AK4: variants seen among roughly 807,000 people sequenced by gnomAD.
AK4 encodes adenylate kinase 4, also known as adenylate kinase 4, mitochondrial.
AK4 carries 13 observed loss-of-function variants against 24.6 expected under a neutral mutation model. That is an observed-to-expected ratio of 0.53 (90% CI 0.34 to 0.84). AK4 has a LOEUF of 0.84. Among genes scored for constraint, AK4 ranks in the 40% least tolerant of loss-of-function variants. The pLI is 0.01. For missense variants in AK4, 192 were observed against 288.2 expected (o/e 0.67, Z 2.42); for synonymous variants, 88 against 107.0 (o/e 0.82, Z 1.10).
At chr1:65,209,038 TATAAC>T (rs1361989354) in intron 2 of AK4, among the ~76,000 whole-genome samples, 2 of 152,174 alleles carry the variant, frequency 1.3e-5, no homozygotes, top group Non-Finnish European at 2.9e-5. Flanking sequence ...TAATTAGTGA[TATAAC>T]AAGACAGATT....
chr1:65,190,450 G>T lies in AK4; in HGVS notation c.146-260G>T, dbSNP rs114279996. Among the ~76,000 whole-genome samples, 16,793 of 124,394 alleles carry T rather than the reference G, an allele frequency of 0.13. 823 individuals carry two copies. Among genetic ancestry groups the T allele is most frequent in the African/African-American group, 0.28 (7,727 of 28,004 alleles). The allele number at this position is 124,394 out of a possible 152,430, so 81.6% of individuals were successfully genotyped here. A position where few individuals can be genotyped will look rare whatever the true frequency, so the allele number is the denominator to read the frequency against. Reference sequence around the variant, plus strand: ...CCACTGTTTCTTTCTTCCTTTTTTTGGGGGGGGGGCGGGAGGAGGGGTGGT... The same window carrying T: ...CCACTGTTTCTTTCTTCCTTTTTTTTGGGGGGGGGCGGGAGGAGGGGTGGT... On this transcript the variant is annotated intron_variant, in intron 1 of 4. Transcript: ENST00000327299.
intron 2 of AK4, among the ~76,000 whole-genome samples, chr1:65,197,485 G>A (rs1163804029): frequency 6.6e-6 from 1 of 152,136 alleles, no homozygotes; most frequent in East Asian, 1.9e-4. Flanking sequence ...TCATCATTTT[G>A]TCCATAGTTG....
intron 1 of AK4, among the ~76,000 whole-genome samples, chr1:65,172,103 A>ATATATATATATATATATATATATATT (rs1553122938): frequency 1.7e-5 from 2 of 115,510 alleles, no homozygotes; most frequent in South Asian, 2.7e-4. Flanking sequence ...ATATATATAT[A>ATATATATATATATATATATATATATT]TTTAAACTCA....
chr1:65,179,261 A>C lies in AK4; in HGVS notation c.146-11449A>C, dbSNP rs557623562. Among the ~76,000 whole-genome samples the C allele has an allele frequency of 7.9e-5, 12 of 152,300 alleles. No homozygotes were observed. The South Asian group carries it at 2.5e-3, about 32-fold the overall frequency. On this transcript the variant is annotated intron_variant, in intron 1 of 4. Transcript: ENST00000327299. ...TAGTAAGAACCTGTCCCTTTTATAC[A>C]GGTGCTAGTGTCATATTTCAGCAGC...
chr1:65,207,353 A>G (rs951796804), intron 2 of AK4, among the ~76,000 whole-genome samples: 1 of 151,822 alleles, frequency 6.6e-6, no homozygotes, highest in Non-Finnish European at 1.5e-5. Context: ...GTCTTTTTCT[A>G]TTAACCTATA....
intron 4 of AK4, 59 bp downstream of exon 4, chr1:65,224,929 T>C: frequency 2.2e-6 from 3 of 1,366,566 alleles, no homozygotes; most frequent in East Asian, 2.3e-5. Context: ...TGGAGCCTGC[T>C]GGGAGGAACA....
intron 2 of AK4, among the ~76,000 whole-genome samples, chr1:65,218,203 G>A (rs1570141904): frequency 6.6e-6 from 1 of 152,308 alleles, no homozygotes. Flanking sequence ...AATGTATATA[G>A]TTATTTTTGC....
At chr1:65,170,898 G>C (rs1186411893) in intron 1 of AK4, among the ~76,000 whole-genome samples, 1 of 151,072 alleles carries the variant, frequency 6.6e-6, no homozygotes, top group African/African-American at 2.4e-5. Flanking sequence ...CAGGCTAGGT[G>C]TCTCCTTGTT....
chr1:65,190,580 C>A, intron 1 of AK4, 130 bp from the exon 2 acceptor site: 1 of 1,047,832 alleles, frequency 9.5e-7, no homozygotes, highest in Admixed American at 2.9e-5. Flanking sequence ...AAACTTAAAA[C>A]ATGTCTACAA....
At chr1:65,184,533 G>T (rs536897257) in intron 1 of AK4, among the ~76,000 whole-genome samples, 1 of 152,174 alleles carries the variant, frequency 6.6e-6, no homozygotes, top group African/African-American at 2.4e-5. Context: ...AATTATTTGT[G>T]TGTGTGATGT....
intron 1 of AK4, among the ~76,000 whole-genome samples, chr1:65,171,955 G>C (rs563318471): frequency 1.3e-5 from 2 of 150,260 alleles, no homozygotes; most frequent in Non-Finnish European, 3.0e-5. Flanking sequence ...CCCGCTACTC[G>C]GGAGGCTGAG....
At chr1:65,170,309 A>G (rs2101006995) in intron 1 of AK4, among the ~76,000 whole-genome samples, 1 of 152,272 alleles carries the variant, frequency 6.6e-6, no homozygotes, top group South Asian at 2.1e-4. Context: ...CGGAGCTTGC[A>G]GTGAGCCGAG....
At chr1:65,167,011 A>G (rs1650354324) in intron 1 of AK4, among the ~76,000 whole-genome samples, 1 of 152,204 alleles carries the variant, frequency 6.6e-6, no homozygotes, top group South Asian at 2.1e-4. Flanking sequence ...TTGTGCCTGT[A>G]GTCTCAGCTA....
In AK4 at chr1:65,226,354, T is replaced by C; in HGVS notation, c.*177T>C. 2.3e-6 allele frequency: 2 copies of C among 880,500 alleles called. No individual in the cohort carries two copies. Among genetic ancestry groups the C allele is most frequent in the East Asian group, 5.5e-5 (2 of 36,578 alleles). 54.5% of individuals were successfully genotyped at this position (880,500 alleles called of 1,614,324 possible). The stretch of plus-strand genomic sequence containing the variant: ...AAGAGTTCATGAAGAGGCCCTCCTC[T>C]GCCTTTCAAAAGGCTGGTCACCTAC... On this transcript the variant is annotated 3_prime_UTR_variant, in exon 5 of 5. Coordinates refer to ENST00000327299, the MANE Select transcript of AK4 (RefSeq NM_013410.4).
In AK4 at chr1:65,182,532, T is replaced by A. The variant is rs368031501; in HGVS notation, c.146-8178T>A. On this transcript the variant is annotated intron_variant, in intron 1 of 4. Coordinates refer to ENST00000327299, the MANE Select transcript of AK4 (RefSeq NM_013410.4). ...TATATGACAGACAGAAATAAGACAT[T>A]CAGATAAAAAAAAAAAGACCTCATT... is the stretch of plus-strand genomic sequence containing the variant. Among the ~76,000 whole-genome samples, 582 of 151,304 alleles carry A rather than the reference T, an allele frequency of 3.8e-3. 1 individual carries two copies. The highest frequency in any genetic ancestry group is 7.9e-3 in the South Asian group (38 of 4,814).
chr1:65,202,476 G>C (rs1651690828), intron 2 of AK4, among the ~76,000 whole-genome samples: 1 of 152,118 alleles, frequency 6.6e-6, no homozygotes, highest in Admixed American at 6.6e-5. Context: ...ATTAAACTGT[G>C]GTTTCTCTGT....
chr1:65,196,748 G>A (rs1651484908), intron 2 of AK4, among the ~76,000 whole-genome samples: 1 of 152,168 alleles, frequency 6.6e-6, no homozygotes, highest in Non-Finnish European at 1.5e-5. Flanking sequence ...TTACAGGCAT[G>A]AGCCACTGCA....
intron 3 of AK4, among the ~76,000 whole-genome samples, chr1:65,220,842 C>T (rs552263888): frequency 6.6e-4 from 101 of 152,182 alleles, no homozygotes; most frequent in African/African-American, 2.3e-3. Flanking sequence ...ACAGGGACTA[C>T]ACCTCTTTAT....
chr1:65,168,294 G>A (rs1650400625), intron 1 of AK4, among the ~76,000 whole-genome samples: 1 of 151,950 alleles, frequency 6.6e-6, no homozygotes, highest in Admixed American at 6.6e-5. Context: ...TTGCAAGCAT[G>A]TGTCACCATG....
Sources: gnomAD v4.1 joint callset for allele counts (sites outside exome capture counted in the v4.1 genomes callset) on GRCh38, gnomAD v4.1.1 for gene constraint, MANE v1.5 for transcripts, NCBI Gene and HGNC (gene_info 2026-07-23, HGNC 2026-07-21) for gene names.